The following SLTM variants were observed in gnomAD, a reference collection of about 807,000 sequenced individuals.
SLTM encodes SAFB-like transcription modulator.
SLTM carries 43 observed loss-of-function variants against 134.6 expected under a neutral mutation model. The observed-to-expected ratio is 0.32, with a 90% CI of 0.25 to 0.41. The LOEUF is 0.41. SLTM is among the 10% of genes least tolerant of loss of function. The probability of loss-of-function intolerance (pLI) is 1.00; values close to 1 mark genes in which losing one functional copy is unlikely to be tolerated. For synonymous variants in SLTM, 424 were observed against 432.3 expected, an observed-to-expected ratio of 0.98 and a Z score of 0.24; for missense variants, 1,055 against 1,288.8, an observed-to-expected ratio of 0.82 and a Z score of 2.78.
intron 14 of SLTM, among the ~76,000 whole-genome samples, chr15:58,892,267 T>C (rs1285052823): frequency 1.3e-5 from 2 of 152,210 alleles, no homozygotes; most frequent in African/African-American, 2.4e-5. Flanking sequence ...TCGTGAACTG[T>C]TGAGATATGG....
In SLTM at chr15:58,899,928, C is replaced by A; in HGVS notation, c.599G>T (p.Gly200Val). The A allele has an allele frequency of 1.9e-6, 3 of 1,608,580 alleles. No individual in the cohort carries two copies. The highest frequency in any genetic ancestry group is 2.6e-6 in the Non-Finnish European group (3 of 1,176,294). The change falls in exon 7 of 21, where the codon GGT becomes GTT. Residue 200 changes from glycine to valine, a missense_variant. Gly to Val is a moderately radical substitution (Grantham distance 109, BLOSUM62 -3). Around this residue, in one of 3 missense-constraint regions of SLTM, gnomAD observed 268 missense variants for 284.3 expected, o/e 0.94. Coordinates refer to ENST00000380516, the MANE Select transcript of SLTM (RefSeq NM_024755.4). This position sits in a 1 kb window ranked among gnomAD's most constrained non-coding sequence, Gnocchi z 5.0. ...TACTTCTTGTGTACCATCACCAGAACCTGCTATATCTAAGAGGATTTAACA... is the reference window on the plus strand; with the variant it reads ...TACTTCTTGTGTACCATCACCAGAAACTGCTATATCTAAGAGGATTTAACA... ...EEEENEKDIA[G>V]SGDGTQEVSK...
chr15:58,908,798 G>A (rs1438262996), intron 5 of SLTM, among the ~76,000 whole-genome samples: 5 of 152,230 alleles, frequency 3.3e-5, no homozygotes, highest in African/African-American at 1.2e-4. Flanking sequence ...CATCCCCAGA[G>A]GGAAACACCC....
intron 5 of SLTM, among the ~76,000 whole-genome samples, 164 bp downstream of exon 5, chr15:58,912,399 G>A (rs1189830085): frequency 1.3e-5 from 2 of 152,020 alleles, no homozygotes; most frequent in Non-Finnish European, 2.9e-5. Flanking sequence ...TAGCGCGCCC[G>A]ACCTTGCCAA....
At position 58,894,114 on chromosome 15, in the gene SLTM, T is replaced by C. The variant is rs1213228079; in HGVS notation, c.1457A>G (p.Lys486Arg). Residue 486 changes from lysine to arginine, a missense_variant, in exon 11 of 21, where the codon AAA (lysine) becomes AGA (arginine). Physicochemically the swap from Lys to Arg is conservative, Grantham distance 26. Transcript: ENST00000380516. Reference protein sequence around the residue: ...KSSSRSSGDKKNTSDRSSKTQ... With the variant: ...KSSSRSSGDKRNTSDRSSKTQ... The stretch of plus-strand genomic sequence containing the variant: ...CTTGCTACTTCTATCACTCGTATTT[T>C]TTTTATCTCCAGAACTTCTTGAACT... The C allele has an allele frequency of 6.2e-7, 1 of 1,607,768 alleles. No individual in the cohort carries two copies. The highest frequency in any genetic ancestry group is 1.3e-5 in the African/African-American group (1 of 74,482).
At chr15:58,906,880 T>C (rs1345908319) in intron 5 of SLTM, among the ~76,000 whole-genome samples, 1 of 152,218 alleles carries the variant, frequency 6.6e-6, no homozygotes. Flanking sequence ...CTATGTTAAG[T>C]ACGATAGAAC....
chr15:58,916,903 A>C, intron 3 of SLTM, 32 bp downstream of exon 3: 1 of 1,583,510 alleles, frequency 6.3e-7, no homozygotes, highest in Non-Finnish European at 8.7e-7. Flanking sequence ...GGCTTAAAAT[A>C]AGCATCTTAA....
At chr15:58,894,704 T>C (rs2034935382) in intron 9 of SLTM, 122 bp from the exon 10 acceptor site, 4 of 812,810 alleles carry the variant, frequency 4.9e-6, no homozygotes, top group Admixed American at 3.9e-5. Flanking sequence ...TTCTGTCTCA[T>C]GTTTTTTTTT....
chr15:58,894,636 C>G (rs2034928936), intron 9 of SLTM, 54 bp from the exon 10 acceptor site: 3 of 1,510,974 alleles, frequency 2.0e-6, no homozygotes, highest in Middle Eastern at 1.7e-4. Flanking sequence ...AGTACACAGA[C>G]TTCTAAATAC....
intron 8 of SLTM, chr15:58,898,476 C>T (rs2035250290): frequency 5.4e-6 from 1 of 183,620 alleles, no homozygotes; most frequent in South Asian, 1.2e-4. Flanking sequence ...AAATGAGTAA[C>T]AAAAGATAAA....
chr15:58,889,386 TAAA>T, intron 16 of SLTM, 41 bp downstream of exon 16: 2 of 1,609,500 alleles, frequency 1.2e-6, no homozygotes, highest in South Asian at 2.2e-5. Context: ...CTAAAGGGAA[TAAA>T]ACAGCAAGGT....
At chr15:58,910,521 T>C (rs2036189304) in intron 5 of SLTM, among the ~76,000 whole-genome samples, 1 of 152,138 alleles carries the variant, frequency 6.6e-6, no homozygotes, top group Non-Finnish European at 1.5e-5. Context: ...TATATTTCCA[T>C]CTGTTTAAAA....
Position 58,894,541 on chromosome 15 carries a change from C to T in SLTM, c.1269G>A (p.Gly423=). The change falls in exon 10 of 21, where the codon GGG becomes GGA. Residue 423 remains glycine, a synonymous_variant. Transcript: ENST00000380516. ...TAGTTACAATGCCATAGCATTTTGC[C>T]CCAGGACTTCGAGCATTTGTAACTA... ...AKVVTNARSP[G]AKCYGIVTMS... The T allele has an allele frequency of 6.2e-7, 1 of 1,614,068 alleles. No individual in the cohort carries two copies. The highest frequency in any genetic ancestry group is 1.3e-5 in the African/African-American group (1 of 75,000).
chr15:58,931,977 C>T (rs2037910913), intron 2 of SLTM, among the ~76,000 whole-genome samples: 1 of 152,124 alleles, frequency 6.6e-6, no homozygotes, highest in Admixed American at 6.5e-5. Context: ...CTAAAGAAAA[C>T]AGCAAGGAGG....
At chr15:58,916,023 G>A (rs1021998749) in intron 3 of SLTM, among the ~76,000 whole-genome samples, 1 of 152,032 alleles carries the variant, frequency 6.6e-6, no homozygotes, top group South Asian at 2.1e-4. Context: ...TTCTATAGCT[G>A]TAGTATATAG....
At position 58,893,929 on chromosome 15, in the gene SLTM, CT is replaced by C. The variant is rs1319405514; in HGVS notation, c.1539del (p.Glu514LysfsTer8). ...TCTATTTTCTTAGTATCCTTGCTTT[CT>C]TTTTTTTCAGATTTCTCAGACGATC... ...EKRSSEKSEK[K>X]ESKDTKKIEG... On this transcript the variant is annotated frameshift_variant, in exon 12 of 21. Transcript: ENST00000380516. LOFTEE classifies it high-confidence loss of function. The C allele has an allele frequency of 1.2e-6, 2 of 1,612,070 alleles. No homozygotes were observed. The highest frequency in any genetic ancestry group is 2.2e-5 in the South Asian group (2 of 90,712).
chr15:58,926,646 G>A (rs1260454023), intron 2 of SLTM, among the ~76,000 whole-genome samples: 7 of 125,016 alleles, frequency 5.6e-5, no homozygotes, highest in Non-Finnish European at 1.0e-4. Context: ...TCAGGGTCTT[G>A]TTCTGTCACC....
chr15:58,923,799 CTTTTTTTTTTTTTTTTT>C (rs34100406), intron 2 of SLTM, among the ~76,000 whole-genome samples: 1 of 69,546 alleles, frequency 1.4e-5, no homozygotes, highest in Admixed American at 2.5e-4. Context: ...GAAGCCAAAC[CTTTTTTTTTTTTTTTTT>C]TTTTTTTTTG....
chr15:58,885,821 A>AACACAC (rs59007619), intron 19 of SLTM, among the ~76,000 whole-genome samples: 2 of 151,280 alleles, frequency 1.3e-5, no homozygotes, highest in South Asian at 2.1e-4. Context: ...AAAAAACAAC[A>AACACAC]ACACACACAC....
At chr15:58,889,965 G>C (rs1567110547) in intron 15 of SLTM, 1 of 379,548 alleles carries the variant, frequency 2.6e-6, no homozygotes, top group Non-Finnish European at 4.7e-6. Flanking sequence ...TAAGGAAATC[G>C]TTATTATTTT....
Sources: gnomAD v4.1 joint callset for allele counts (sites outside exome capture counted in the v4.1 genomes callset) on GRCh38, gnomAD v4.1.1 for gene constraint, gnomAD v4.1.1 regional missense constraint, Gnocchi (gnomAD v3.1) non-coding constraint, MANE v1.5 for transcripts, NCBI Gene and HGNC (gene_info 2026-07-23, HGNC 2026-07-21) for gene names.